The following SLC25A13 variants were observed in gnomAD, a reference collection of about 807,000 sequenced individuals.
The protein encoded by SLC25A13 is electrogenic aspartate/glutamate antiporter SLC25A13, mitochondrial.
A neutral mutation model predicts 85.5 loss-of-function variants in SLC25A13; 70 were observed. That is an observed-to-expected ratio of 0.82 (90% CI 0.68 to 1.00). The LOEUF (loss-of-function observed/expected upper bound fraction) is 1.00, where lower values mean the gene tolerates loss of function less well. Among genes scored for constraint, SLC25A13 ranks in the 50% least tolerant of loss-of-function variants. SLC25A13 has a pLI of 0.00. For missense variants in SLC25A13, 765 were observed against 819.8 expected (o/e 0.93, Z 0.82); for synonymous variants, 259 against 288.7 (o/e 0.90, Z 1.04).
chr7:96,173,116 T>C (rs1425389720), intron 11 of SLC25A13, among the ~76,000 whole-genome samples: 1 of 152,240 alleles, frequency 6.6e-6, no homozygotes, highest in Non-Finnish European at 1.5e-5. Context: ...ATTTTTTCTT[T>C]GCTCATAGCC....
At chr7:96,222,021 A>C (rs1375029061) in intron 4 of SLC25A13, among the ~76,000 whole-genome samples, 1 of 152,250 alleles carries the variant, frequency 6.6e-6, no homozygotes. Flanking sequence ...AAATATAATA[A>C]GTTTGCTAAA....
chr7:96,199,088 C>T (rs1231396505), intron 5 of SLC25A13, among the ~76,000 whole-genome samples: 27 of 152,186 alleles, frequency 1.8e-4, no homozygotes, highest in Admixed American at 1.7e-3. Context: ...GTTTTCCCTG[C>T]TTCATCTCTT....
chr7:96,189,698 G>A (rs777132804), intron 7 of SLC25A13, 24 bp from the exon 8 acceptor site: 30 of 1,598,236 alleles, frequency 1.9e-5, no homozygotes, highest in Non-Finnish European at 2.4e-5. Flanking sequence ...AAGTTAAAAG[G>A]GAAAGATTCA....
At chr7:96,164,040 A>C (rs1793636008) in intron 13 of SLC25A13, among the ~76,000 whole-genome samples, 1 of 152,214 alleles carries the variant, frequency 6.6e-6, no homozygotes, top group Non-Finnish European at 1.5e-5. Flanking sequence ...ACTGTGGTGC[A>C]TTAAAGATGG....
intron 3 of SLC25A13, among the ~76,000 whole-genome samples, chr7:96,240,188 T>A (rs1796916355): frequency 6.6e-6 from 1 of 151,914 alleles, no homozygotes; most frequent in Non-Finnish European, 1.5e-5. Context: ...GTAGGTTAAG[T>A]AACATAAGAG....
intron 3 of SLC25A13, among the ~76,000 whole-genome samples, chr7:96,264,898 A>G (rs1316953647): frequency 1.3e-5 from 2 of 152,204 alleles, no homozygotes; most frequent in East Asian, 1.9e-4. Context: ...AAGCAGTTTT[A>G]TATCTTTACA....
intron 13 of SLC25A13, 130 bp downstream of exon 13, chr7:96,169,915 C>T (rs541042115): frequency 5.2e-5 from 48 of 919,728 alleles, no homozygotes; most frequent in Non-Finnish European, 8.1e-5. Flanking sequence ...AGCCGAGGTG[C>T]CCTAGTAGAC....
intron 4 of SLC25A13, among the ~76,000 whole-genome samples, chr7:96,232,015 A>T (rs1443775029): frequency 6.6e-6 from 1 of 152,204 alleles, no homozygotes; most frequent in East Asian, 1.9e-4. Context: ...ACCACTGTGG[A>T]AAACAGTGTG....
intron 1 of SLC25A13, among the ~76,000 whole-genome samples, chr7:96,302,705 TA>T (rs1301351071): frequency 6.6e-6 from 1 of 152,092 alleles, no homozygotes; most frequent in African/African-American, 2.4e-5. Context: ...TTCAGGTCAG[TA>T]AAAATCTGAC....
chr7:96,286,012 C>T (rs900024852), intron 2 of SLC25A13, among the ~76,000 whole-genome samples: 5 of 152,110 alleles, frequency 3.3e-5, no homozygotes, highest in Admixed American at 2.0e-4. Context: ...TGGCCAGGCA[C>T]GGTGGCTCAT....
At chr7:96,256,255 A>G (rs1797633211) in intron 3 of SLC25A13, among the ~76,000 whole-genome samples, 1 of 152,216 alleles carries the variant, frequency 6.6e-6, no homozygotes, top group Non-Finnish European at 1.5e-5. Context: ...AAATGCCCCA[A>G]TTCAAAGGCA....
intron 15 of SLC25A13, among the ~76,000 whole-genome samples, chr7:96,126,400 T>C (rs746869158): frequency 5.9e-5 from 9 of 152,204 alleles, no homozygotes; most frequent in South Asian, 4.1e-4. Flanking sequence ...CTTACACTTA[T>C]CCTCTCTAGG....
intron 4 of SLC25A13, among the ~76,000 whole-genome samples, chr7:96,222,006 G>T (rs1374966003): frequency 1.3e-5 from 2 of 152,112 alleles, no homozygotes; most frequent in Non-Finnish European, 2.9e-5. Context: ...GAGAAAAGTT[G>T]GTGCAAATAT....
At chr7:96,208,318 C>T (rs761529623) in intron 5 of SLC25A13, among the ~76,000 whole-genome samples, 3 of 152,038 alleles carry the variant, frequency 2.0e-5, no homozygotes, top group Non-Finnish European at 4.4e-5. Flanking sequence ...GTGGAAATCC[C>T]ATTTAATTCT....
chr7:96,268,540 CCT>C (rs1798119028), intron 3 of SLC25A13, among the ~76,000 whole-genome samples: 1 of 152,096 alleles, frequency 6.6e-6, no homozygotes, highest in African/African-American at 2.4e-5. Flanking sequence ...CTCAAAGTCT[CCT>C]CTCATCTCCC....
intron 1 of SLC25A13, among the ~76,000 whole-genome samples, chr7:96,314,784 A>T (rs548355673): frequency 6.6e-6 from 1 of 152,228 alleles, no homozygotes; most frequent in Non-Finnish European, 1.5e-5. Flanking sequence ...CTCCTCGGAC[A>T]ATCTTCTAAA....
At chr7:96,300,643 T>G (rs1478169036) in intron 1 of SLC25A13, among the ~76,000 whole-genome samples, 1 of 152,088 alleles carries the variant, frequency 6.6e-6, no homozygotes, top group Non-Finnish European at 1.5e-5. Flanking sequence ...TAAATAAACA[T>G]TGTGGCCATC....
At chr7:96,207,653 T>G (rs755203776) in intron 5 of SLC25A13, among the ~76,000 whole-genome samples, 1 of 152,216 alleles carries the variant, frequency 6.6e-6, no homozygotes, top group Non-Finnish European at 1.5e-5. Flanking sequence ...CTATAGATAT[T>G]GACCTCTAGT....
At chr7:96,168,920 C>T (rs951541867) in intron 13 of SLC25A13, among the ~76,000 whole-genome samples, 1 of 152,120 alleles carries the variant, frequency 6.6e-6, no homozygotes, top group African/African-American at 2.4e-5. Flanking sequence ...TGGGGAAGAG[C>T]AACTTCTAAA....
Sources: allele counts gnomAD v4.1 joint callset (sites outside exome capture counted in the v4.1 genomes callset), GRCh38; gene constraint gnomAD v4.1.1; transcripts MANE v1.5; gene names NCBI Gene and HGNC (gene_info 2026-07-23, HGNC 2026-07-21).